The following GPC5 variants were observed in gnomAD, a reference collection of about 807,000 sequenced individuals.
The protein encoded by GPC5 is glypican 5.
Under a neutral mutation model 53.9 loss-of-function variants are expected in GPC5, and 47 were observed. The ratio of observed to expected loss-of-function variants is 0.87; its 90% CI spans 0.69 to 1.11. GPC5 has a LOEUF of 1.11. Among genes scored for constraint, GPC5 ranks in the 50% most tolerant of loss-of-function variants. The pLI is 0.00. For missense variants in GPC5, 748 were observed against 713.1 expected (o/e 1.05, Z -0.56); for synonymous variants, 286 against 263.3 (o/e 1.09, Z -0.84).
intron 7 of GPC5, among the ~76,000 whole-genome samples, chr13:92,372,224 G>C (rs1204783652): frequency 6.6e-6 from 1 of 152,146 alleles, no homozygotes; most frequent in East Asian, 1.9e-4. Flanking sequence ...GTTTTAAGAG[G>C]CTAAATTTTT....
intron 7 of GPC5, among the ~76,000 whole-genome samples, chr13:92,437,389 C>T (rs1273005222): frequency 6.6e-6 from 1 of 151,956 alleles, no homozygotes; most frequent in Non-Finnish European, 1.5e-5. Context: ...AAGCTCCTGG[C>T]CTAGAGATAC....
intron 7 of GPC5, among the ~76,000 whole-genome samples, chr13:92,472,638 A>G (rs1878956335): frequency 6.6e-6 from 1 of 152,112 alleles, no homozygotes; most frequent in African/African-American, 2.4e-5. Context: ...TCTTTAGATG[A>G]CTTTATTTTG....
intron 5 of GPC5, among the ~76,000 whole-genome samples, chr13:91,803,488 G>C (rs866931426): frequency 1.3e-5 from 2 of 151,918 alleles, no homozygotes; most frequent in East Asian, 1.9e-4. Flanking sequence ...TGTATGTATT[G>C]GTTTATGATA....
intron 2 of GPC5, among the ~76,000 whole-genome samples, chr13:91,516,914 C>T (rs539226046): frequency 9.9e-5 from 15 of 152,228 alleles, no homozygotes; most frequent in Admixed American, 5.2e-4. Context: ...AGCCACAGCC[C>T]GAGCTGTACG....
At chr13:91,624,179 G>T in intron 2 of GPC5, among the ~76,000 whole-genome samples, 1 of 151,992 alleles carries the variant, frequency 6.6e-6, no homozygotes, top group Non-Finnish European at 1.5e-5. Context: ...TACTAAATGT[G>T]AACAGGCTGA....
chr13:91,407,969 T>C lies in GPC5; in HGVS notation c.163+8760T>C, dbSNP rs532656329. Among the ~76,000 whole-genome samples the C allele has an allele frequency of 7.9e-5, 12 of 152,302 alleles. No individual in the cohort carries two copies. In the East Asian group the frequency reaches 2.3e-3, roughly 29 times the overall value. ...TATTTACCACATACAACATGATGGT[T>C]TGAAGCACAGTACAGATGCATTGTG... is the stretch of plus-strand genomic sequence containing the variant. On this transcript the variant is annotated intron_variant, in intron 1 of 7. Transcript: ENST00000377067.
intron 5 of GPC5, among the ~76,000 whole-genome samples, chr13:91,887,237 G>A (rs1404443750): frequency 1.3e-5 from 2 of 152,152 alleles, no homozygotes; most frequent in Admixed American, 6.5e-5. Context: ...CATGGTTTGA[G>A]CTGTACCCTG....
intron 6 of GPC5, among the ~76,000 whole-genome samples, chr13:92,041,444 G>A (rs977026219): frequency 1.3e-5 from 2 of 152,176 alleles, no homozygotes; most frequent in African/African-American, 4.8e-5. Flanking sequence ...ACGGGCAGAA[G>A]ACTCACTTGT....
intron 2 of GPC5, among the ~76,000 whole-genome samples, chr13:91,532,498 A>G (rs917255878): frequency 6.6e-6 from 1 of 152,132 alleles, no homozygotes; most frequent in Non-Finnish European, 1.5e-5. Flanking sequence ...TTGTTTCACA[A>G]TCTGCTTTGA....
chr13:92,054,670 A>C (rs141221985), intron 6 of GPC5, among the ~76,000 whole-genome samples: 5 of 152,312 alleles, frequency 3.3e-5, no homozygotes, highest in East Asian at 1.9e-4. Flanking sequence ...AATATTTGCT[A>C]TCTGCAAGGA....
chr13:91,600,404 A>G (rs985209691), intron 2 of GPC5, among the ~76,000 whole-genome samples: 1 of 151,896 alleles, frequency 6.6e-6, no homozygotes, highest in South Asian at 2.1e-4. Context: ...TGGGCACAGT[A>G]TATAAAGACT....
intron 7 of GPC5, among the ~76,000 whole-genome samples, chr13:92,619,118 G>A (rs1282922922): frequency 6.6e-6 from 1 of 151,596 alleles, no homozygotes; most frequent in Non-Finnish European, 1.5e-5. Flanking sequence ...ATACTTAAGG[G>A]GCTTCTTTTC....
chr13:91,826,336 G>A (rs1006033941), intron 5 of GPC5, among the ~76,000 whole-genome samples: 6 of 151,940 alleles, frequency 3.9e-5, no homozygotes, highest in African/African-American at 1.5e-4. Flanking sequence ...ATATATATTG[G>A]TCTATCATCT....
chr13:92,345,488 C>T (rs1331704544), intron 7 of GPC5, among the ~76,000 whole-genome samples: 1 of 152,134 alleles, frequency 6.6e-6, no homozygotes, highest in Non-Finnish European at 1.5e-5. Context: ...TCCCCCATGC[C>T]ACCCAACACC....
chr13:91,557,749 T>C (rs1434468408), intron 2 of GPC5, among the ~76,000 whole-genome samples: 2 of 152,158 alleles, frequency 1.3e-5, no homozygotes, highest in Non-Finnish European at 2.9e-5. Flanking sequence ...GTCAGCCCAG[T>C]AATAAATACA....
At chr13:91,987,704 C>T (rs909829853) in intron 6 of GPC5, among the ~76,000 whole-genome samples, 55 of 148,258 alleles carry the variant, frequency 3.7e-4, no homozygotes, top group Non-Finnish European at 7.6e-4. Context: ...AATCACTTAG[C>T]CACTCTCTAG....
chr13:92,727,449 G>T (rs1277985504), intron 7 of GPC5, among the ~76,000 whole-genome samples: 1 of 151,284 alleles, frequency 6.6e-6, no homozygotes, highest in African/African-American at 2.4e-5. Context: ...TGTTCAAAAT[G>T]CTTTTCCTTT....
intron 2 of GPC5, among the ~76,000 whole-genome samples, chr13:91,541,894 G>A (rs189893413): frequency 2.3e-4 from 34 of 150,992 alleles, no homozygotes; most frequent in African/African-American, 7.3e-4. Flanking sequence ...TGTTTTTTTC[G>A]TAAATGGTGG....
intron 6 of GPC5, among the ~76,000 whole-genome samples, chr13:91,986,225 C>A (rs2040406851): frequency 6.6e-6 from 1 of 151,780 alleles, no homozygotes; most frequent in African/African-American, 2.4e-5. Context: ...ACCACCATGC[C>A]CGGCTAATTT....
Sources: allele counts gnomAD v4.1 joint callset (sites outside exome capture counted in the v4.1 genomes callset), GRCh38; gene constraint gnomAD v4.1.1; transcripts MANE v1.5; gene names NCBI Gene and HGNC (gene_info 2026-07-23, HGNC 2026-07-21).